The following PEX5 variants were observed in gnomAD, a reference collection of about 807,000 sequenced individuals.
PEX5 encodes the protein PTS1 receptor.
A neutral mutation model predicts 82.9 loss-of-function variants in PEX5; 52 were observed. The observed-to-expected ratio is 0.63, with a 90% confidence interval of 0.50 to 0.79. The LOEUF (loss-of-function observed/expected upper bound fraction) is 0.79, where lower values mean the gene tolerates loss of function less well. Ranked by LOEUF, PEX5 falls within the 30% of genes least tolerant of loss-of-function variation. PEX5 has a pLI of 0.00. For synonymous variants in PEX5, 300 were observed against 318.8 expected, an observed-to-expected ratio of 0.94 and a Z score of 0.63; for missense variants, 719 against 815.2, an observed-to-expected ratio of 0.88 and a Z score of 1.44.
intron 17 of PEX5, among the ~76,000 whole-genome samples, chr12:7,216,955 C>G (rs1372329527): frequency 6.6e-6 from 1 of 152,176 alleles, no homozygotes; most frequent in Non-Finnish European, 1.5e-5. Flanking sequence ...TTTATTCACA[C>G]TAATTCATAC....
At chr12:7,211,917 A>T (rs1336924945), downstream of PEX5, among the ~76,000 whole-genome samples, 1 of 151,698 alleles carries the variant, frequency 6.6e-6, no homozygotes, top group African/African-American at 2.4e-5. Flanking sequence ...TTATACTTGG[A>T]GATAGATGTT....
chr12:7,197,590 T>C (rs1315936539), intron 5 of PEX5, among the ~76,000 whole-genome samples: 1 of 125,780 alleles, frequency 8.0e-6, no homozygotes, highest in African/African-American at 2.8e-5. Flanking sequence ...TTATTTATAA[T>C]TAGGTGTATT....
At position 7,196,342 on chromosome 12, in the gene PEX5, CATAT is replaced by C. The variant is rs1231355803; in HGVS notation, c.449-2665_449-2662del. On this transcript the variant is annotated intron_variant, in intron 5 of 15. Coordinates refer to ENST00000675855, the MANE Select transcript of PEX5 (RefSeq NM_001351132.2). ...TATATATGTCATAATTTATATATGT[CATAT>C]ATAATTTAATTATATATGACATATA... Among the ~76,000 whole-genome samples, 110 of 131,474 alleles carry C rather than the reference CATAT, an allele frequency of 8.4e-4. 1 individual carries two copies. Among genetic ancestry groups the C allele is most frequent in the Admixed American group, 7.1e-3 (87 of 12,170 alleles). 86.3% of individuals were successfully genotyped at this position (131,474 alleles called of 152,430 possible).
rs1945296254 is a variant in PEX5, at chr12:7,209,732, A to G, written c.1610A>G (p.Gln537Arg). ...GGCGCCACCCTGGCCAATGGAAACCAGAGTGAAGAAGCAGTAGCTGCGTAC... is the reference window on the plus strand; with the variant it reads ...GGCGCCACCCTGGCCAATGGAAACCGGAGTGAAGAAGCAGTAGCTGCGTAC... ...KLGATLANGNQSEEAVAAYRR... is the reference protein window; with the variant it reads ...KLGATLANGNRSEEAVAAYRR... The change falls in exon 15 of 16, where the codon CAG becomes CGG. Residue 537 changes from glutamine to arginine, a missense_variant. By Grantham distance (43) the Gln-to-Arg change is conservative (BLOSUM62 1). Transcript: ENST00000675855. 6 of 1,474,872 alleles carry G rather than the reference A, an allele frequency of 4.1e-6. No individual in the cohort carries two copies. The highest frequency in any genetic ancestry group is 1.9e-5 in the African/African-American group (1 of 52,604). 91.4% of individuals were successfully genotyped at this position (1,474,872 alleles called of 1,614,324 possible). A position where few individuals can be genotyped will look rare whatever the true frequency, so the allele number is the denominator to read the frequency against.
At chr12:7,191,088 C>G in intron 3 of PEX5, 138 bp from the exon 4 acceptor site, 1 of 1,186,616 alleles carries the variant, frequency 8.4e-7, no homozygotes, top group Admixed American at 1.7e-5. Context: ...TATGGAAAGA[C>G]AGTTTCTCTT....
At chr12:7,212,607 T>TAACA (rs1222103139), downstream of PEX5, among the ~76,000 whole-genome samples, 1 of 152,092 alleles carries the variant, frequency 6.6e-6, no homozygotes, top group Non-Finnish European at 1.5e-5. Context: ...CAATAGATGC[T>TAACA]AACAATATAG....
intron 10 of PEX5, among the ~76,000 whole-genome samples, 179 bp downstream of exon 10, chr12:7,203,730 G>A (rs1944431461): frequency 1.3e-5 from 2 of 152,136 alleles, no homozygotes; most frequent in Admixed American, 1.3e-4. Flanking sequence ...CTTTATTCTT[G>A]GGATATAGAT....
chr12:7,200,109 C>G (rs1361989713), intron 6 of PEX5, among the ~76,000 whole-genome samples: 1 of 148,180 alleles, frequency 6.7e-6, no homozygotes, highest in Non-Finnish European at 1.5e-5. Context: ...GGCTGCCGGG[C>G]GGAGACGCTC....
intron 5 of PEX5, among the ~76,000 whole-genome samples, chr12:7,197,615 CTTT>C (rs775759545): frequency 0.049 from 653 of 13,384 alleles, 1 homozygote; most frequent in Non-Finnish European, 0.13. Flanking sequence ...GAGTCTTGAT[CTTT>C]GTTTTTCACA....
At chr12:7,205,137 G>A (rs888028238) in intron 10 of PEX5, among the ~76,000 whole-genome samples, 3 of 152,154 alleles carry the variant, frequency 2.0e-5, no homozygotes, top group Non-Finnish European at 4.4e-5. Flanking sequence ...TGGGATATGA[G>A]CTTTTGGTGT....
chr12:7,196,395 CATAT>C (rs919853675), intron 5 of PEX5, among the ~76,000 whole-genome samples: 1 of 135,284 alleles, frequency 7.4e-6, no homozygotes, highest in Non-Finnish European at 1.5e-5. Context: ...ATGTGTCATA[CATAT>C]ATGTGTCATA....
At chr12:7,211,984 A>G (rs77135057), downstream of PEX5, among the ~76,000 whole-genome samples, 5 of 136,268 alleles carry the variant, frequency 3.7e-5, no homozygotes, top group Non-Finnish European at 1.6e-5. Context: ...TTTTTTTTTA[A>G]GGCAGTGTTT....
intron 10 of PEX5, among the ~76,000 whole-genome samples, chr12:7,203,803 G>A (rs1474502153): frequency 6.6e-6 from 1 of 152,196 alleles, no homozygotes; most frequent in Admixed American, 6.5e-5. Context: ...AAGGAGGTTT[G>A]CACATGCTTG....
chr12:7,207,264 G>C (rs1360298794), intron 10 of PEX5, among the ~76,000 whole-genome samples: 1 of 152,118 alleles, frequency 6.6e-6, no homozygotes, highest in Non-Finnish European at 1.5e-5. Context: ...ATTATTGAAG[G>C]ATAACAAGAA....
intron 5 of PEX5, among the ~76,000 whole-genome samples, chr12:7,195,017 T>C (rs918818385): frequency 1.3e-5 from 2 of 152,220 alleles, no homozygotes; most frequent in African/African-American, 4.8e-5. Flanking sequence ...GTAACTAGTC[T>C]GAAGATGCAC....
intron 17 of PEX5, among the ~76,000 whole-genome samples, chr12:7,216,568 CTT>C (rs926454444): frequency 7.5e-5 from 9 of 120,790 alleles, no homozygotes; most frequent in South Asian, 2.7e-4. Flanking sequence ...ACGATCATAA[CTT>C]CTATTTTTTG....
chr12:7,194,945 A>T (rs1201320147), intron 5 of PEX5, among the ~76,000 whole-genome samples: 1 of 152,216 alleles, frequency 6.6e-6, no homozygotes, highest in Non-Finnish European at 1.5e-5. Flanking sequence ...ATTGGTTTTC[A>T]CCGCAGCCCC....
rs1945181377 is a variant in PEX5 at position 7,209,029 on chromosome 12, G to C, written c.1419G>C (p.Glu473Asp). 14 of 1,614,002 alleles carry C rather than the reference G, an allele frequency of 8.7e-6. No individual in the cohort carries two copies. Among genetic ancestry groups the C allele is most frequent in the Non-Finnish European group, 1.2e-5 (14 of 1,180,020 alleles). ...GCTCCCTGTTTCTTGAAGTGAAAGA[G>C]CTCTTCCTGGCAGCTGTGCGGCTGG... ...LSDSLFLEVK[E>D]LFLAAVRLDP... The change falls in exon 14 of 16, where the codon GAG becomes GAC. Residue 473 changes from glutamate (E) to aspartate (D), a missense_variant. Coordinates refer to ENST00000675855, the MANE Select transcript of PEX5 (RefSeq NM_001351132.2).
intron 10 of PEX5, among the ~76,000 whole-genome samples, chr12:7,205,201 C>A (rs985701925): frequency 6.6e-6 from 1 of 152,168 alleles, no homozygotes; most frequent in African/African-American, 2.4e-5. Flanking sequence ...TTTGTAGATT[C>A]TTGAGCCCTA....
Sources: gnomAD v4.1 joint callset for allele counts (sites outside exome capture counted in the v4.1 genomes callset) on GRCh38, gnomAD v4.1.1 for gene constraint, MANE v1.5 for transcripts, NCBI Gene and HGNC (gene_info 2026-07-23, HGNC 2026-07-21) for gene names.